Variants in FBXL17 observed in about 807,000 individuals in gnomAD.
FBXL17 encodes the protein F-box and leucine rich repeat protein 17, also known as F-box/LRR-repeat protein 17.
Under a neutral mutation model 66.2 loss-of-function variants are expected in FBXL17, and 22 were observed. The observed-to-expected ratio is 0.33, with a 90% CI of 0.24 to 0.47. FBXL17 has a LOEUF of 0.47. Among genes scored for constraint, FBXL17 ranks in the 20% least tolerant of loss-of-function variants. FBXL17 has a pLI of 1.00. For synonymous variants in FBXL17, 474 were observed against 400.5 expected (o/e 1.18, Z -2.19); for missense variants, 878 against 948.2 (o/e 0.93, Z 0.97).
intron 6 of FBXL17, among the ~76,000 whole-genome samples, chr5:108,052,643 A>T (rs927719276): frequency 6.6e-6 from 1 of 152,224 alleles, no homozygotes; most frequent in African/African-American, 2.4e-5. Flanking sequence ...TATAGATTCA[A>T]TGTTACTCCC....
intron 7 of FBXL17, among the ~76,000 whole-genome samples, chr5:107,989,528 CCATT>C (rs1391231025): frequency 6.6e-6 from 1 of 152,110 alleles, no homozygotes; most frequent in Non-Finnish European, 1.5e-5. Context: ...ATGCCTTCAT[CCATT>C]CATCTGTTGA....
At chr5:108,007,087 C>A (rs942469058) in intron 7 of FBXL17, among the ~76,000 whole-genome samples, 1 of 152,108 alleles carries the variant, frequency 6.6e-6, no homozygotes, top group Non-Finnish European at 1.5e-5. Context: ...TTACTGTTGA[C>A]AAAGTTTTAA....
intron 2 of FBXL17, among the ~76,000 whole-genome samples, chr5:108,367,583 G>A (rs780582313): frequency 6.6e-6 from 1 of 151,854 alleles, no homozygotes; most frequent in Non-Finnish European, 1.5e-5. Flanking sequence ...AAAAGGTAAT[G>A]AAAAAAGACA....
intron 7 of FBXL17, among the ~76,000 whole-genome samples, chr5:107,961,634 A>G (rs562342927): frequency 2.0e-5 from 3 of 152,272 alleles, no homozygotes; most frequent in African/African-American, 7.2e-5. Flanking sequence ...ATTCAAACTC[A>G]TGATTAAGAC....
intron 8 of FBXL17, among the ~76,000 whole-genome samples, chr5:107,867,777 T>G (rs891948383): frequency 6.6e-6 from 1 of 152,196 alleles, no homozygotes; most frequent in African/African-American, 2.4e-5. Flanking sequence ...TTGGTTCTGC[T>G]GTCATGGTAG....
At chr5:107,890,755 A>C (rs529855096) in intron 7 of FBXL17, among the ~76,000 whole-genome samples, 2 of 152,314 alleles carry the variant, frequency 1.3e-5, no homozygotes, top group South Asian at 2.1e-4. Context: ...AGGTTGGTGA[A>C]AACATACATG....
chr5:108,197,104 C>A (rs1409929904), intron 5 of FBXL17, among the ~76,000 whole-genome samples: 1 of 150,274 alleles, frequency 6.7e-6, no homozygotes, highest in Non-Finnish European at 1.5e-5. Flanking sequence ...TAGGACTTTT[C>A]TTTCCACCAA....
intron 6 of FBXL17, among the ~76,000 whole-genome samples, chr5:108,152,533 G>A (rs750073678): frequency 9.9e-5 from 15 of 152,134 alleles, no homozygotes; most frequent in Non-Finnish European, 1.8e-4. Context: ...GATTCAGCAG[G>A]ATACTGGATT....
chr5:108,353,695 C>T (rs1747785411), intron 3 of FBXL17, among the ~76,000 whole-genome samples: 1 of 152,112 alleles, frequency 6.6e-6, no homozygotes, highest in African/African-American at 2.4e-5. Flanking sequence ...TCTAGCCTTC[C>T]ATGTAAGGAA....
At chr5:108,294,426 A>T (rs939281080) in intron 4 of FBXL17, among the ~76,000 whole-genome samples, 1 of 151,926 alleles carries the variant, frequency 6.6e-6, no homozygotes, top group Non-Finnish European at 1.5e-5. Flanking sequence ...CTCCCAAAAA[A>T]TACTTTGTGC....
chr5:108,331,548 CTGT>C (rs1760123260), intron 4 of FBXL17, among the ~76,000 whole-genome samples: 1 of 152,182 alleles, frequency 6.6e-6, no homozygotes, highest in Non-Finnish European at 1.5e-5. Flanking sequence ...TCCTTTAAAG[CTGT>C]TATTAAATCA....
At chr5:108,311,985 C>T (rs1292951031) in intron 4 of FBXL17, among the ~76,000 whole-genome samples, 1 of 152,176 alleles carries the variant, frequency 6.6e-6, no homozygotes, top group Non-Finnish European at 1.5e-5. Flanking sequence ...CCTGTAGCTT[C>T]AGCTAGCATA....
intron 3 of FBXL17, among the ~76,000 whole-genome samples, chr5:108,349,017 A>T (rs1017354204): frequency 6.6e-6 from 1 of 151,988 alleles, no homozygotes; most frequent in Non-Finnish European, 1.5e-5. Context: ...TGTTACCCAG[A>T]CTAGTCTCAA....
At chr5:108,275,122 T>C (rs1297792346) in intron 4 of FBXL17, among the ~76,000 whole-genome samples, 1 of 152,198 alleles carries the variant, frequency 6.6e-6, no homozygotes, top group Non-Finnish European at 1.5e-5. Context: ...TCTCACTTAA[T>C]GACCTATAAG....
chr5:107,942,814 T>C lies in FBXL17; in HGVS notation c.1823-61635A>G, dbSNP rs139022529. Among the ~76,000 whole-genome samples, 141 of 152,004 alleles carry C rather than the reference T, an allele frequency of 9.3e-4. 2 individuals are homozygous for C. The South Asian group carries it at 0.013, about 14-fold the overall frequency. On this transcript the variant is annotated intron_variant, in intron 7 of 8. Coordinates refer to ENST00000542267, the MANE Select transcript of FBXL17 (RefSeq NM_001163315.3). ...AAAACCTATCTGATTTCTTCAACCA[T>C]ACTTTACCTAAGTGGAATTCTCCTT...
intron 7 of FBXL17, among the ~76,000 whole-genome samples, chr5:107,966,745 A>G (rs1390282010): frequency 6.6e-6 from 1 of 152,176 alleles, no homozygotes; most frequent in Non-Finnish European, 1.5e-5. Flanking sequence ...GGCATCAATT[A>G]CACTTACCTT....
intron 8 of FBXL17, chr5:107,878,315 G>C (rs1260065954): frequency 2.1e-6 from 2 of 932,256 alleles, no homozygotes; most frequent in Non-Finnish European, 1.3e-6. Context: ...GAAAATTCCA[G>C]TATCACAACA....
intron 7 of FBXL17, among the ~76,000 whole-genome samples, chr5:107,902,717 CTTTA>C (rs1290012229): frequency 4.6e-5 from 7 of 152,020 alleles, no homozygotes; most frequent in Middle Eastern, 3.4e-3. Context: ...TCCCATCTGC[CTTTA>C]TTTATTTTTT....
intron 1 of FBXL17, among the ~76,000 whole-genome samples, chr5:108,371,126 T>C (rs151001026): frequency 4.3e-4 from 65 of 152,294 alleles, no homozygotes; most frequent in Middle Eastern, 3.4e-3. Flanking sequence ...GTGAGAAGAC[T>C]TGATTTTTGG....
Sources: allele counts gnomAD v4.1 joint callset (sites outside exome capture counted in the v4.1 genomes callset), GRCh38; gene constraint gnomAD v4.1.1; transcripts MANE v1.5; gene names NCBI Gene and HGNC (gene_info 2026-07-23, HGNC 2026-07-21).